Variants in ABCA2 observed in about 807,000 individuals in gnomAD.
The protein encoded by ABCA2 is ATP-binding cassette sub-family A member 2.
In ABCA2, 84 loss-of-function variants were observed where a neutral mutation model predicts 262.8. That is an observed-to-expected ratio of 0.32 (90% confidence interval 0.27 to 0.38). The LOEUF (loss-of-function observed/expected upper bound fraction) is 0.38. Ranked by LOEUF, ABCA2 falls within the 10% of genes least tolerant of loss-of-function variation. ABCA2 has a pLI of 1.00. For missense variants in ABCA2, 2,662 were observed against 3,405.9 expected, an observed-to-expected ratio of 0.78 and a Z score of 5.44; for synonymous variants, 1,696 against 1,502.9, an observed-to-expected ratio of 1.13 and a Z score of -2.97.
rs982610433 is a variant in ABCA2, at chr9:137,007,783, G to A, written c.*146C>T. On this transcript the variant is annotated 3_prime_UTR_variant, in exon 49 of 49. Coordinates refer to ENST00000341511, the MANE Select transcript of ABCA2 (RefSeq NM_001606.5). ...GACCACAGGGCATGGCCGAGTACAG[G>A]GGCTGGAGGACCAGAAGCCCCTTGG... 3 of 1,138,960 alleles carry A rather than the reference G, an allele frequency of 2.6e-6. No homozygotes were observed. Among genetic ancestry groups the A allele is most frequent in the African/African-American group, 3.1e-5 (2 of 65,040 alleles). 70.6% of individuals were successfully genotyped at this position (1,138,960 alleles called of 1,614,324 possible). A position where few individuals can be genotyped will look rare whatever the true frequency, so the allele number is the denominator to read the frequency against.
rs1446595231 is a variant in ABCA2 at position 137,014,814 on chromosome 9, C to T, written c.3883-4G>A. 1 of 1,598,390 alleles carries T rather than the reference C, an allele frequency of 6.3e-7. No homozygotes were observed. Among genetic ancestry groups the T allele is most frequent in the East Asian group, 2.3e-5 (1 of 44,414 alleles). ...CATCCAGGCTGCGCTCCAGGTGCTGCAGGGGCGGTGGAGGGGGAGGCTGCG... is the reference window on the plus strand; with the variant it reads ...CATCCAGGCTGCGCTCCAGGTGCTGTAGGGGCGGTGGAGGGGGAGGCTGCG... On this transcript the variant is annotated splice_region_variant and splice_polypyrimidine_tract_variant and intron_variant, in intron 25 of 48. Transcript: ENST00000341511.
chr9:137,014,893 C>T lies in ABCA2; in HGVS notation c.3882+20G>A, dbSNP rs749923016. On this transcript the variant is annotated intron_variant, in intron 25 of 48. Transcript: ENST00000341511. ...ACCTCCACCACCTGCAACTGCCCCC[C>T]GACCCGTGCGCCCTCACACCTGGAA... The T allele has an allele frequency of 1.5e-5, 23 of 1,576,534 alleles. No individual in the cohort carries two copies. The South Asian group carries it at 1.5e-4, about 10-fold the overall frequency.
intron 39 of ABCA2, 43 bp downstream of exon 39, chr9:137,010,930 C>T: frequency 1.5e-6 from 1 of 671,758 alleles, no homozygotes; most frequent in Non-Finnish European, 2.5e-6. Context: ...CGAACCCATC[C>T]CTGCTCCCGC....
rs1831248085 is a variant in ABCA2, at chr9:137,016,000, C to T, written c.3279G>A (p.Lys1093=). 2 of 1,569,386 alleles carry T rather than the reference C, an allele frequency of 1.3e-6. No individual in the cohort carries two copies. The highest frequency in any genetic ancestry group is 1.7e-6 in the Non-Finnish European group (2 of 1,153,174). The change falls in exon 22 of 49, where the codon AAG becomes AAA. Residue 1093 remains lysine, a synonymous_variant. Coordinates refer to ENST00000341511, the MANE Select transcript of ABCA2 (RefSeq NM_001606.5). ...TGCGGATCTCCTCCTGAGCCATGCT[C>T]TTGAGCCGTGAGTAGAACCAGAGGT... ...EEHLWFYSRL[K]SMAQEEIRRE...
Position 137,025,408 on chromosome 9 carries a change from G to C in ABCA2, c.67-1172C>G, listed in dbSNP as rs548963225. Among the ~76,000 whole-genome samples the C allele has an allele frequency of 3.3e-5, 5 of 152,330 alleles. No homozygotes were observed. The South Asian group carries it at 1.0e-3, about 32-fold the overall frequency. The stretch of plus-strand genomic sequence containing the variant: ...TAGCCCGAGGGCGAGCACCCAGCTC[G>C]GAGGCATCCTTTGTCCTCATCCCCA... On this transcript the variant is annotated intron_variant, in intron 1 of 48. Coordinates refer to ENST00000341511, the MANE Select transcript of ABCA2 (RefSeq NM_001606.5).
At position 137,024,198 on chromosome 9, in the gene ABCA2, C is replaced by T. The variant is rs1319041219; in HGVS notation, c.105G>A (p.Leu35=). The part of the protein sequence containing the change: ...LAFEIFIPLV[L]FFILLGLRQK... Reference sequence around the variant, plus strand: ...GTCGCAGCCCCAGCAGGATAAAGAACAGCACCAGGGGGATGAAGATCTCGA... The same window carrying T: ...GTCGCAGCCCCAGCAGGATAAAGAATAGCACCAGGGGGATGAAGATCTCGA... The change falls in exon 2 of 49, where the codon CTG becomes CTA. Residue 35 remains leucine, a synonymous_variant. Transcript: ENST00000341511. 1.2e-6 allele frequency: 2 copies of T among 1,612,224 alleles called. No homozygotes were observed. The highest frequency in any genetic ancestry group is 1.7e-6 in the Non-Finnish European group (2 of 1,179,620).
At position 137,017,992 on chromosome 9, in the gene ABCA2, G is replaced by A; in HGVS notation, c.2077C>T (p.Pro693Ser). ...PGSYVQMFPY[P>S]CYTRDDFLFV... ...ACTCACTCATCGCGTGTGTAGCAGG[G>A]GTAGGGGAACATCTGCACGTAGCTG... The change falls in exon 15 of 49, where the codon CCC becomes TCC. Residue 693 changes from proline to serine, a missense_variant. Physicochemically the swap from Pro to Ser is moderately conservative, Grantham distance 74. Around this residue, in one of 12 missense-constraint regions of ABCA2, gnomAD observed 188 missense variants for 343.4 expected, o/e 0.55. Transcript: ENST00000341511. 1 of 1,612,758 alleles carries A rather than the reference G, an allele frequency of 6.2e-7. No homozygotes were observed. The highest frequency in any genetic ancestry group is 1.1e-5 in the South Asian group (1 of 91,086).
Position 137,007,582 on chromosome 9 carries a change from G to C in ABCA2, c.*347C>G, listed in dbSNP as rs908689123. Reference sequence around the variant, plus strand: ...AGAGAGAAAAGCTGGTTCCGAGGCCGGGCAGGAGAAAGGCCAGCAGTGCCT... The same window carrying C: ...AGAGAGAAAAGCTGGTTCCGAGGCCCGGCAGGAGAAAGGCCAGCAGTGCCT... On this transcript the variant is annotated 3_prime_UTR_variant, in exon 49 of 49. Transcript: ENST00000341511. 5.0e-6 allele frequency: 2 copies of C among 399,878 alleles called. No homozygotes were observed. Among genetic ancestry groups the C allele is most frequent in the African/African-American group, 4.2e-5 (2 of 47,812 alleles). The allele number at this position is 399,878 out of a possible 1,614,324, so 24.8% of individuals were successfully genotyped here.
intron 26 of ABCA2, 81 bp from the exon 27 acceptor site, chr9:137,014,485 C>T (rs1831183119): frequency 6.8e-7 from 1 of 1,481,178 alleles, no homozygotes; most frequent in African/African-American, 1.4e-5. Context: ...CCGGTCTTGA[C>T]CCCAGTTCCC....
intron 1 of ABCA2, among the ~76,000 whole-genome samples, chr9:137,024,885 G>A (rs549834978): frequency 8.0e-5 from 12 of 149,722 alleles, no homozygotes; most frequent in Admixed American, 1.3e-4. Flanking sequence ...TGCAAGCTCC[G>A]TCCCCCAAGT....
rs1831321276 is a variant in ABCA2, at chr9:137,017,979, C to T, written c.2090G>A (p.Arg697His). 1 of 1,612,724 alleles carries T rather than the reference C, an allele frequency of 6.2e-7. No homozygotes were observed. The highest frequency in any genetic ancestry group is 8.5e-7 in the Non-Finnish European group (1 of 1,179,936). The change falls in exon 15 of 49, where the codon CGC (arginine) becomes CAC (histidine). Residue 697 changes from arginine (R) to histidine (H), a missense_variant. By Grantham distance (29) the Arg-to-His change is conservative (BLOSUM62 0). This residue lies in a region of ABCA2 where 188 missense variants were observed against 343.4 expected (regional missense o/e 0.55). Transcript: ENST00000341511. Reference sequence around the variant, plus strand: ...CCGGGCGCCCAGCACTCACTCATCGCGTGTGTAGCAGGGGTAGGGGAACAT... The same window carrying T: ...CCGGGCGCCCAGCACTCACTCATCGTGTGTGTAGCAGGGGTAGGGGAACAT... Reference protein sequence around the residue: ...VQMFPYPCYTRDDFLFVIEHM... With the variant: ...VQMFPYPCYTHDDFLFVIEHM...
At position 137,017,358 on chromosome 9, in the gene ABCA2, G is replaced by A; in HGVS notation, c.2403-12C>T. 1 of 1,612,128 alleles carries A rather than the reference G, an allele frequency of 6.2e-7. No homozygotes were observed. Among genetic ancestry groups the A allele is most frequent in the Non-Finnish European group, 8.5e-7 (1 of 1,179,644 alleles). On this transcript the variant is annotated splice_polypyrimidine_tract_variant and intron_variant, in intron 17 of 48. Transcript: ENST00000341511. Reference sequence around the variant, plus strand: ...CAGACACCAGGAAGCTGGGTGGGCAGGGGCCACGCGCACCGTCATCCACCC... The same window carrying A: ...CAGACACCAGGAAGCTGGGTGGGCAAGGGCCACGCGCACCGTCATCCACCC...
chr9:137,009,625 A>G lies in ABCA2; in HGVS notation c.6650T>C (p.Met2217Thr). Residue 2217 changes from methionine to threonine, a missense_variant, in exon 44 of 49, where the codon ATG becomes ACG. This residue lies in a region of ABCA2 where 602 missense variants were observed against 897.4 expected (regional missense o/e 0.67). Transcript: ENST00000341511. Reference sequence around the variant, plus strand: ...GAGGAAGCGCCGGGCCTTGGGGTCCATGCCTGTGGTGGGCTCGTCCTGGGG... The same window carrying G: ...GAGGAAGCGCCGGGCCTTGGGGTCCGTGCCTGTGGTGGGCTCGTCCTGGGG... Reference protein sequence around the residue: ...FIFLDEPTTGMDPKARRFLWN... With the variant: ...FIFLDEPTTGTDPKARRFLWN... The G allele has an allele frequency of 6.2e-7, 1 of 1,612,900 alleles. No homozygotes were observed. Among genetic ancestry groups the G allele is most frequent in the Non-Finnish European group, 8.5e-7 (1 of 1,179,892 alleles).
chr9:137,024,511 G>A (rs369579085), intron 1 of ABCA2, among the ~76,000 whole-genome samples: 3 of 152,328 alleles, frequency 2.0e-5, no homozygotes, highest in South Asian at 2.1e-4. Flanking sequence ...GGGACAAATC[G>A]GCCAGCTTGT....
At chr9:137,023,467 A>G (rs776699019) in intron 3 of ABCA2, 1 of 719,956 alleles carries the variant, frequency 1.4e-6, no homozygotes, top group Non-Finnish European at 2.6e-6. Flanking sequence ...GAGTGAGTGC[A>G]AGAGCCTGAA....
rs1564216933 is a variant in ABCA2, at chr9:137,013,466, C to T, written c.4545G>A (p.Glu1515=). The T allele has an allele frequency of 6.2e-7, 1 of 1,604,740 alleles. No homozygotes were observed. The highest frequency in any genetic ancestry group is 1.7e-5 in the Admixed American group (1 of 58,556). The change falls in exon 29 of 49, where the codon GAG becomes GAA. Residue 1515 remains glutamate, a synonymous_variant. Coordinates refer to ENST00000341511, the MANE Select transcript of ABCA2 (RefSeq NM_001606.5). Reference sequence around the variant, plus strand: ...GCCCCCGCTGGAGGCCTCACCGGTACTCGCGGCGCTCCTCGTTGGCGTAGG... The same window carrying T: ...GCCCCCGCTGGAGGCCTCACCGGTATTCGCGGCGCTCCTCGTTGGCGTAGG... ...FIPYANEERR[E]YRLRLSPDAS...
At position 137,021,183 on chromosome 9, in the gene ABCA2, C is replaced by T; in HGVS notation, c.898-122G>A. On this transcript the variant is annotated intron_variant, in intron 8 of 48. Transcript: ENST00000341511. The surrounding 1 kb of genome is among the most constrained non-coding windows in gnomAD (Gnocchi z 6.0). Reference sequence around the variant, plus strand: ...CAAGCTAGGGGTGCTGGGAGGGAGTCTGCAGCCTGGGTAACGGGAGCCCAG... The same window carrying T: ...CAAGCTAGGGGTGCTGGGAGGGAGTTTGCAGCCTGGGTAACGGGAGCCCAG... The T allele has an allele frequency of 7.2e-7, 1 of 1,392,262 alleles. No homozygotes were observed. The allele number at this position is 1,392,262 out of a possible 1,614,324, so 86.2% of individuals were successfully genotyped here. A position where few individuals can be genotyped will look rare whatever the true frequency, so the allele number is the denominator to read the frequency against.
intron 3 of ABCA2, 143 bp from the exon 4 acceptor site, chr9:137,023,195 C>T (rs1426221615): frequency 1.3e-5 from 9 of 708,302 alleles, no homozygotes; most frequent in Non-Finnish European, 1.9e-5. Flanking sequence ...GAGAAGGCGG[C>T]ACAGAGCCCT....
chr9:137,018,107 C>G (rs1236917026), intron 14 of ABCA2, 32 bp from the exon 15 acceptor site: 2 of 1,610,038 alleles, frequency 1.2e-6, no homozygotes, highest in East Asian at 4.5e-5. Flanking sequence ...AGGTGCCGGG[C>G]AGGCCCTCTC....
Sources: gnomAD v4.1 joint callset for allele counts (sites outside exome capture counted in the v4.1 genomes callset) on GRCh38, gnomAD v4.1.1 for gene constraint, gnomAD v4.1.1 regional missense constraint, Gnocchi (gnomAD v3.1) non-coding constraint, MANE v1.5 for transcripts, NCBI Gene and HGNC (gene_info 2026-07-23, HGNC 2026-07-21) for gene names.